Variants in KIF14 observed in about 807,000 individuals in gnomAD.
KIF14 encodes kinesin-like protein KIF14.
In KIF14, 98 loss-of-function variants were observed where a neutral mutation model predicts 176.2. The ratio of observed to expected loss-of-function variants is 0.56; its 90% CI spans 0.47 to 0.66. The LOEUF is 0.66. KIF14 is among the 30% of genes least tolerant of loss of function. The probability of loss-of-function intolerance (pLI) is 0.00; values close to 1 mark genes in which losing one functional copy is unlikely to be tolerated. For missense variants in KIF14, 1,751 were observed against 1,920.4 expected, an observed-to-expected ratio of 0.91 and a Z score of 1.65; for synonymous variants, 566 against 632.2, an observed-to-expected ratio of 0.90 and a Z score of 1.57.
chr1:200,580,577 C>A (rs1207561177), intron 20 of KIF14, among the ~76,000 whole-genome samples, 194 bp from the exon 21 acceptor site: 1 of 151,666 alleles, frequency 6.6e-6, no homozygotes, highest in African/African-American at 2.4e-5. Context: ...TTTTTAAAAT[C>A]AAAAATTTCT....
At position 200,603,571 on chromosome 1, in the gene KIF14, T is replaced by A. The variant is rs114893559; in HGVS notation, c.1864-230A>T. On this transcript the variant is annotated intron_variant, in intron 9 of 29. Coordinates refer to ENST00000367350, the MANE Select transcript of KIF14 (RefSeq NM_014875.3). ...AAGCAATCCTCCCACCTGAACCAAG[T>A]AGCTGGGACTACAGACACATGCCAC... Among the ~76,000 whole-genome samples the A allele has an allele frequency of 9.7e-3, 1,476 of 152,192 alleles. 27 individuals carry two copies. The highest frequency in any genetic ancestry group is 0.033 in the African/African-American group (1,388 of 41,520).
At chr1:200,572,491 C>T (rs1657853147) in intron 22 of KIF14, among the ~76,000 whole-genome samples, 1 of 152,062 alleles carries the variant, frequency 6.6e-6, no homozygotes, top group Non-Finnish European at 1.5e-5. Context: ...ATTACAGGCG[C>T]CCAACACCAC....
In KIF14 at chr1:200,608,883, T is replaced by C; in HGVS notation, c.1501A>G (p.Lys501Glu). The C allele has an allele frequency of 1.2e-6, 2 of 1,610,550 alleles. No individual in the cohort carries two copies. Residue 501 changes from lysine to glutamate, a missense_variant, in exon 5 of 30, where the codon AAA (lysine) becomes GAA (glutamate). By Grantham distance (56) the Lys-to-Glu change is moderately conservative. Coordinates refer to ENST00000367350, the MANE Select transcript of KIF14 (RefSeq NM_014875.3). ...TTACAAACCAGAAGGTCGTGAATTT[T>C]TTCATTATATACTTCAAAGAAGCTC... ...EMSFFEVYNE[K>E]IHDLLVCKDE... is the part of the protein sequence containing the mutation.
intron 21 of KIF14, among the ~76,000 whole-genome samples, chr1:200,579,231 G>A (rs1179245610): frequency 6.6e-6 from 1 of 152,210 alleles, no homozygotes; most frequent in Non-Finnish European, 1.5e-5. Flanking sequence ...CACTTTGGGA[G>A]GCTAAGGTGA....
At chr1:200,593,805 G>C (rs1464784729) in intron 14 of KIF14, 36 bp from the exon 15 acceptor site, 1 of 1,275,412 alleles carries the variant, frequency 7.8e-7, no homozygotes, top group South Asian at 1.2e-5. Context: ...AACAATTATA[G>C]AACACACTAA....
Position 200,615,487 on chromosome 1 carries a change from T to C in KIF14, c.1235A>G (p.Glu412Gly), listed in dbSNP as rs977278471. The C allele has an allele frequency of 6.2e-7, 1 of 1,614,134 alleles. No homozygotes were observed. Among genetic ancestry groups the C allele is most frequent in the Non-Finnish European group, 8.5e-7 (1 of 1,179,994 alleles). Residue 412 changes from glutamate to glycine, a missense_variant, in exon 3 of 30, where the codon GAA (glutamate) becomes GGA (glycine). Transcript: ENST00000367350. ...CTGGCTAGCGTAGTGAGGATGACAT[T>C]CATCAAAAGACCAGAATGAAACATC... is the stretch of plus-strand genomic sequence containing the variant. ...IYDVSFWSFD[E>G]CHPHYASQTT...
rs138460660 is a variant in KIF14, at chr1:200,585,868, T to C, written c.3241+233A>G. ...CTTGGAGGTTATGAATTCAATATAT[T>C]AATTTTGGGGGAACACAAACATTCA... is the stretch of plus-strand genomic sequence containing the variant. On this transcript the variant is annotated intron_variant, in intron 19 of 29. Coordinates refer to ENST00000367350, the MANE Select transcript of KIF14 (RefSeq NM_014875.3). 5.6e-3 allele frequency among the ~76,000 whole-genome samples: 856 copies of C among 152,312 alleles called. 4 individuals carry two copies. The highest frequency in any genetic ancestry group is 0.014 in the Middle Eastern group (4 of 294).
chr1:200,561,061 T>A (rs1319990920), intron 25 of KIF14, among the ~76,000 whole-genome samples, 181 bp from the exon 26 acceptor site: 1 of 151,720 alleles, frequency 6.6e-6, no homozygotes, highest in Non-Finnish European at 1.5e-5. Flanking sequence ...TAAAACCCTA[T>A]CTCTACTAAA....
At chr1:200,593,102 C>G (rs1015839532) in intron 15 of KIF14, among the ~76,000 whole-genome samples, 1 of 152,178 alleles carries the variant, frequency 6.6e-6, no homozygotes, top group African/African-American at 2.4e-5. Flanking sequence ...GGAAACTAAA[C>G]AGCACAAAGC....
In KIF14 at chr1:200,553,477, C is replaced by G; in HGVS notation, c.4858G>C (p.Gly1620Arg). 1 of 1,614,024 alleles carries G rather than the reference C, an allele frequency of 6.2e-7. No homozygotes were observed. Among genetic ancestry groups the G allele is most frequent in the Non-Finnish European group, 8.5e-7 (1 of 1,180,014 alleles). ...AGCTCATAGACACGCTTTGGTACAC[C>G]TTTATTCTTACTGCCGTCAATCCCG... ...SSGIDGSKNK[G>R]VPKRVYELHG... is the part of the protein sequence containing the mutation. The change falls in exon 30 of 30, where the codon GGT becomes CGT. Residue 1620 changes from glycine to arginine, a missense_variant. By Grantham distance (125) the Gly-to-Arg change is moderately radical. Coordinates refer to ENST00000367350, the MANE Select transcript of KIF14 (RefSeq NM_014875.3).
chr1:200,592,038 C>T, intron 16 of KIF14, 42 bp downstream of exon 16: 1 of 1,504,710 alleles, frequency 6.6e-7, no homozygotes, highest in Non-Finnish European at 9.1e-7. Context: ...TGTTGTAGAT[C>T]TCTCTCATAC....
At position 200,569,984 on chromosome 1, in the gene KIF14, G is replaced by A. The variant is rs776284230; in HGVS notation, c.3588C>T (p.Asn1196=). The A allele has an allele frequency of 5.8e-5, 92 of 1,599,390 alleles. No homozygotes were observed. The highest frequency in any genetic ancestry group is 7.0e-5 in the Non-Finnish European group (82 of 1,169,508). Reference sequence around the variant, plus strand: ...CATGTAAACAACCAGAAATTCTTCTGTTCTTCATCAAACTCCTACTCCTGA... The same window carrying A: ...CATGTAAACAACCAGAAATTCTTCTATTCTTCATCAAACTCCTACTCCTGA... ...SRRRSRSLMK[N]RRISGCLHDI... The change falls in exon 23 of 30, where the codon AAC becomes AAT. Residue 1196 remains asparagine (N), a synonymous_variant. Transcript: ENST00000367350.
At chr1:200,591,847 C>A (rs1255885303) in intron 16 of KIF14, among the ~76,000 whole-genome samples, 1 of 152,176 alleles carries the variant, frequency 6.6e-6, no homozygotes, top group Non-Finnish European at 1.5e-5. Context: ...TCTTTCAGCA[C>A]ATGAGCTAAA....
intron 25 of KIF14, among the ~76,000 whole-genome samples, chr1:200,562,948 G>T (rs1657242563): frequency 6.6e-6 from 1 of 152,162 alleles, no homozygotes; most frequent in African/African-American, 2.4e-5. Context: ...CCTTCTTAGA[G>T]CTAACTGTCC....
chr1:200,577,355 A>C (rs922945842), intron 21 of KIF14, among the ~76,000 whole-genome samples: 1 of 150,294 alleles, frequency 6.7e-6, no homozygotes, highest in Non-Finnish European at 1.5e-5. Context: ...ACAAACAAAA[A>C]TCATGTTACC....
intron 19 of KIF14, among the ~76,000 whole-genome samples, chr1:200,581,609 C>G (rs1196146308): frequency 1.3e-5 from 2 of 151,386 alleles, no homozygotes; most frequent in Non-Finnish European, 2.9e-5. Flanking sequence ...TTCCTCATTT[C>G]TAAATTATTT....
chr1:200,591,952 AAG>A (rs1659075912), intron 16 of KIF14, 126 bp downstream of exon 16: 2 of 708,242 alleles, frequency 2.8e-6, no homozygotes, highest in African/African-American at 3.6e-5. Context: ...TGAATGTACT[AAG>A]AGAAAAAATT....
intron 4 of KIF14, among the ~76,000 whole-genome samples, chr1:200,610,478 C>G (rs1660100121): frequency 1.4e-5 from 2 of 147,558 alleles, no homozygotes; most frequent in South Asian, 4.3e-4. Flanking sequence ...CCACTGCACT[C>G]CAGCCTGGGT....
intron 19 of KIF14, among the ~76,000 whole-genome samples, chr1:200,584,735 T>C (rs114274521): frequency 0.023 from 3,577 of 152,314 alleles, 51 homozygotes; most frequent in Non-Finnish European, 0.035. Flanking sequence ...GACAAGCCCA[T>C]ACCTAACATC....
Sources: gnomAD v4.1 joint callset for allele counts (sites outside exome capture counted in the v4.1 genomes callset) on GRCh38, gnomAD v4.1.1 for gene constraint, MANE v1.5 for transcripts, NCBI Gene and HGNC (gene_info 2026-07-23, HGNC 2026-07-21) for gene names.